The following MRE11 variants were observed in gnomAD, a reference collection of about 807,000 sequenced individuals.
MRE11 encodes double-strand break repair protein MRE11.
MRE11 carries 62 observed loss-of-function variants against 91.7 expected under a neutral mutation model. The ratio of observed to expected loss-of-function variants is 0.68; its 90% CI spans 0.55 to 0.84. MRE11 has a LOEUF of 0.84. Ranked by LOEUF, MRE11 falls within the 40% of genes least tolerant of loss-of-function variation. The pLI, the probability that MRE11 is intolerant of heterozygous loss-of-function variation, is 0.00. For missense variants in MRE11, 796 were observed against 852.9 expected (o/e 0.93, Z 0.83); for synonymous variants, 273 against 271.4 (o/e 1.01, Z -0.06).
chr11:94,498,678 T>G (rs1464871654), upstream of MRE11: 2 of 690,412 alleles, frequency 2.9e-6, no homozygotes. Context: ...ATTGCCTGAC[T>G]TTGATGTCAA....
chr11:94,467,129 G>C (rs773440323), intron 10 of MRE11, among the ~76,000 whole-genome samples: 2 of 152,176 alleles, frequency 1.3e-5, no homozygotes, highest in Non-Finnish European at 2.9e-5. Context: ...AAAGTTAAGA[G>C]AGATATAGGT....
chr11:94,457,331 T>C (rs1946279432), intron 13 of MRE11, among the ~76,000 whole-genome samples: 1 of 152,114 alleles, frequency 6.6e-6, no homozygotes, highest in African/African-American at 2.4e-5. Context: ...ATAGATTTAA[T>C]AGAAAATGGA....
intron 3 of MRE11, among the ~76,000 whole-genome samples, chr11:94,490,266 TGTCTCACGG>T (rs1011678266): frequency 1.4e-4 from 22 of 152,306 alleles, no homozygotes; most frequent in African/African-American, 5.3e-4. Context: ...TACCTTATAC[TGTCTCACGG>T]GTTTCCTCAC....
rs774980112 is a variant in MRE11, at chr11:94,470,596, T to C, written c.892A>G (p.Lys298Glu). The change falls in exon 9 of 20, where the codon AAA becomes GAA. Residue 298 changes from lysine (K) to glutamate (E), a missense_variant. Lys to Glu is a moderately conservative substitution (Grantham distance 56). Coordinates refer to ENST00000323929, the MANE Select transcript of MRE11 (RefSeq NM_005591.4). ...RIKGRKMNMH[K>E]IPLHTVRQFF... The stretch of plus-strand genomic sequence containing the variant: ...TGCCGCACTGTGTGAAGAGGAATTT[T>C]ATGCATATTCATCTTCCTCCCTTTA... The C allele has an allele frequency of 6.2e-7, 1 of 1,613,178 alleles. No homozygotes were observed. Among genetic ancestry groups the C allele is most frequent in the African/African-American group, 1.3e-5 (1 of 74,898 alleles).
the MRE11 span, among the ~76,000 whole-genome samples, chr11:94,500,018 T>C: frequency 6.6e-6 from 1 of 152,214 alleles, no homozygotes; most frequent in African/African-American, 2.4e-5. Flanking sequence ...TATGTTGTGA[T>C]CTCTTCCTAG....
intron 3 of MRE11, among the ~76,000 whole-genome samples, chr11:94,488,891 A>G (rs1947211591): frequency 6.6e-6 from 1 of 152,168 alleles, no homozygotes; most frequent in Non-Finnish European, 1.5e-5. Flanking sequence ...AATCCCTGTC[A>G]TATGAGTTTA....
intron 18 of MRE11, among the ~76,000 whole-genome samples, chr11:94,430,996 C>T (rs1353654215): frequency 1.3e-5 from 2 of 152,118 alleles, no homozygotes; most frequent in African/African-American, 4.8e-5. Context: ...TGCCTCTTGA[C>T]CTGCCGAGCC....
chr11:94,419,269 T>G lies in MRE11; in HGVS notation c.*856A>C, dbSNP rs1945100026. ...TTAATGAGAAATCCTGGCATTGACATTCCACATTAAATATATTTCTATACT... is the reference window on the plus strand; with the variant it reads ...TTAATGAGAAATCCTGGCATTGACAGTCCACATTAAATATATTTCTATACT... On this transcript the variant is annotated 3_prime_UTR_variant, in exon 20 of 20. Coordinates refer to ENST00000323929, the MANE Select transcript of MRE11 (RefSeq NM_005591.4). 5.2e-5 allele frequency: 12 copies of G among 232,878 alleles called. No individual in the cohort carries two copies. In the Admixed American group the frequency reaches 6.8e-4, roughly 13 times the overall value. 14.4% of individuals were successfully genotyped at this position (232,878 alleles called of 1,614,324 possible).
chr11:94,474,578 AC>A (rs1197885464), intron 7 of MRE11, among the ~76,000 whole-genome samples: 2 of 152,176 alleles, frequency 1.3e-5, no homozygotes, highest in African/African-American at 4.8e-5. Flanking sequence ...AAATAAGATC[AC>A]CCATGGATGC....
At chr11:94,421,202 TATAA>T (rs1156294481) in intron 19 of MRE11, among the ~76,000 whole-genome samples, 1 of 152,232 alleles carries the variant, frequency 6.6e-6, no homozygotes, top group Admixed American at 6.5e-5. Context: ...TTACGTATTC[TATAA>T]ATATTCAGAA....
At chr11:94,487,873 T>A (rs12283306) in intron 3 of MRE11, among the ~76,000 whole-genome samples, 379 of 152,238 alleles carry the variant, frequency 2.5e-3, no homozygotes, top group African/African-American at 7.9e-3. Flanking sequence ...AAAGTTTTTT[T>A]AAAAAAAGAC....
At chr11:94,462,214 A>G (rs1391370049) in intron 11 of MRE11, among the ~76,000 whole-genome samples, 2 of 152,200 alleles carry the variant, frequency 1.3e-5, no homozygotes. Context: ...TAGGAATCCA[A>G]TTTACAAGGA....
intron 9 of MRE11, among the ~76,000 whole-genome samples, chr11:94,468,945 T>G (rs1423208210): frequency 6.6e-6 from 1 of 152,176 alleles, no homozygotes; most frequent in East Asian, 1.9e-4. Context: ...GAGCATCATT[T>G]TGCCAGGTAC....
At chr11:94,504,833 G>A in the MRE11 span, among the ~76,000 whole-genome samples, 1 of 152,090 alleles carries the variant, frequency 6.6e-6, no homozygotes, top group South Asian at 2.1e-4. Context: ...TTTTTTACAC[G>A]AATGTGTAAC....
chr11:94,433,379 T>C (rs1945516869), intron 18 of MRE11, among the ~76,000 whole-genome samples: 1 of 152,254 alleles, frequency 6.6e-6, no homozygotes, highest in South Asian at 2.1e-4. Context: ...TCCTGCAGCA[T>C]GATTTACCCT....
Position 94,474,788 on chromosome 11 carries a change from C to A in MRE11, c.659+1501G>T, listed in dbSNP as rs139502376. On this transcript the variant is annotated intron_variant, in intron 7 of 19. Coordinates refer to ENST00000323929, the MANE Select transcript of MRE11 (RefSeq NM_005591.4). ...ATATGGTGACTACCCATTCCCCTTA[C>A]CAATGCTGCTATTCTACCTTTCATT... 5.1e-3 allele frequency among the ~76,000 whole-genome samples: 783 copies of A among 152,222 alleles called. 6 individuals are homozygous for A. Among genetic ancestry groups the A allele is most frequent in the Middle Eastern group, 0.037 (11 of 294 alleles).
At chr11:94,461,089 T>G (rs115997947) in intron 11 of MRE11, 53 bp from the exon 12 acceptor site, 1 of 1,445,444 alleles carries the variant, frequency 6.9e-7, no homozygotes, top group East Asian at 2.3e-5. Context: ...TGTTAAAATG[T>G]GCATACTCAT....
Position 94,490,982 on chromosome 11 carries a change from G to A in MRE11, c.21-17C>T, listed in dbSNP as rs768766453. The A allele has an allele frequency of 2.3e-6, 3 of 1,313,946 alleles. No homozygotes were observed. The highest frequency in any genetic ancestry group is 2.4e-5 in the East Asian group (1 of 40,954). The allele number at this position is 1,313,946 out of a possible 1,614,324, so 81.4% of individuals were successfully genotyped here. ...TCATCATCACTATATTAAGAAAGAA[G>A]AAACATTTCAATATATTAATAATTC... On this transcript the variant is annotated splice_polypyrimidine_tract_variant and intron_variant, in intron 2 of 19. Coordinates refer to ENST00000323929, the MANE Select transcript of MRE11 (RefSeq NM_005591.4).
chr11:94,436,069 T>C (rs1042245465), intron 17 of MRE11, among the ~76,000 whole-genome samples, 170 bp from the exon 18 acceptor site: 5 of 152,232 alleles, frequency 3.3e-5, no homozygotes, highest in Admixed American at 6.5e-5. Flanking sequence ...CTCCCTCCAA[T>C]GTCCCTCTTC....
Sources: gnomAD v4.1 joint callset for allele counts (sites outside exome capture counted in the v4.1 genomes callset) on GRCh38, gnomAD v4.1.1 for gene constraint, MANE v1.5 for transcripts, NCBI Gene and HGNC (gene_info 2026-07-23, HGNC 2026-07-21) for gene names.